The following PTPRC variants were observed in gnomAD, a reference collection of about 807,000 sequenced individuals.
PTPRC encodes the protein receptor-type tyrosine-protein phosphatase C.
In PTPRC, 44 loss-of-function variants were observed where a neutral mutation model predicts 155.9. That is an observed-to-expected ratio of 0.28 (90% CI 0.22 to 0.36). The LOEUF (loss-of-function observed/expected upper bound fraction) is 0.36. PTPRC is among the 10% of genes least tolerant of loss of function. The pLI is 1.00. For synonymous variants in PTPRC, 525 were observed against 533.1 expected (o/e 0.98, Z 0.21); for missense variants, 1,401 against 1,564.6 (o/e 0.90, Z 1.76).
At chr1:198,702,847 TTC>T (rs1666530488) in intron 6 of PTPRC, among the ~76,000 whole-genome samples, 1 of 152,206 alleles carries the variant, frequency 6.6e-6, no homozygotes, top group African/African-American at 2.4e-5. Context: ...TACTAATACT[TTC>T]TGCATATCAG....
rs577603561 is a variant in PTPRC at position 198,671,773 on chromosome 1, G to T, written c.74-20574G>T. Among the ~76,000 whole-genome samples, 3 of 152,250 alleles carry T rather than the reference G, an allele frequency of 2.0e-5. No individual in the cohort carries two copies. In the East Asian group the frequency reaches 5.8e-4, roughly 29 times the overall value. On this transcript the variant is annotated intron_variant, in intron 2 of 32. Transcript: ENST00000442510. ...TATCAGCTTCCATAGACTTGCCTGA[G>T]CCAATATAACCTAGGACATATTCTC...
At chr1:198,723,252 A>G (rs1653980158) in intron 15 of PTPRC, among the ~76,000 whole-genome samples, 1 of 152,070 alleles carries the variant, frequency 6.6e-6, no homozygotes, top group South Asian at 2.1e-4. Context: ...CATTGTAAAT[A>G]GAATTATTTA....
intron 8 of PTPRC, among the ~76,000 whole-genome samples, chr1:198,705,494 T>C (rs574821018): frequency 2.0e-5 from 3 of 151,004 alleles, no homozygotes; most frequent in South Asian, 4.2e-4. Context: ...AATCTCAGCT[T>C]ACTGCAACCT....
chr1:198,716,640 A>T, intron 12 of PTPRC, 42 bp from the exon 13 acceptor site: 1 of 1,574,466 alleles, frequency 6.4e-7, no homozygotes, highest in Non-Finnish European at 8.7e-7. Flanking sequence ...GGTAGTACTG[A>T]CTTTTAACGA....
rs1270446805 is a variant in PTPRC at position 198,756,112 on chromosome 1, G to T, written c.3852G>T (p.Thr1284=). 6.2e-7 allele frequency: 1 copy of T among 1,613,360 alleles called. No individual in the cohort carries two copies. The highest frequency in any genetic ancestry group is 8.5e-7 in the Non-Finnish European group (1 of 1,179,646). The change falls in exon 33 of 33, where the codon ACG becomes ACT. Residue 1284 remains threonine (T), a synonymous_variant. Coordinates refer to ENST00000442510, the MANE Select transcript of PTPRC (RefSeq NM_002838.5). ...AACAGGCTGAAGGTTCTGAACCCAC[G>T]AGTGGCACTGAGGGGCCAGAACATT... The part of the protein sequence containing the change: ...AKEQAEGSEP[T]SGTEGPEHSV...
intron 14 of PTPRC, among the ~76,000 whole-genome samples, chr1:198,720,863 C>G (rs1174549330): frequency 6.6e-6 from 1 of 151,946 alleles, no homozygotes; most frequent in Non-Finnish European, 1.5e-5. Context: ...TACTTCATTC[C>G]CCACTGCTTC....
At chr1:198,709,937 A>T (rs1275331072) in intron 11 of PTPRC, 113 bp downstream of exon 11, 1 of 1,396,130 alleles carries the variant, frequency 7.2e-7, no homozygotes, top group East Asian at 2.4e-5. Flanking sequence ...ATACTTTTTA[A>T]GCATATGCTT....
chr1:198,721,220 G>A (rs1653870458), intron 14 of PTPRC, among the ~76,000 whole-genome samples: 1 of 152,148 alleles, frequency 6.6e-6, no homozygotes, highest in Non-Finnish European at 1.5e-5. Flanking sequence ...TGAGAGAGCA[G>A]TCATTTCAGC....
chr1:198,748,742 G>A (rs1398927424), intron 27 of PTPRC, among the ~76,000 whole-genome samples: 2 of 151,556 alleles, frequency 1.3e-5, no homozygotes, highest in African/African-American at 4.8e-5. Flanking sequence ...GATCACATAT[G>A]GTAATTTTAT....
At position 198,668,484 on chromosome 1, in the gene PTPRC, G is replaced by A. The variant is rs190864247; in HGVS notation, c.74-23863G>A. ...AGGAACAGGAAGTATTAAAATGTGC[G>A]TGTTATGGACTTGCATACAAATTGA... On this transcript the variant is annotated intron_variant, in intron 2 of 32. Coordinates refer to ENST00000442510, the MANE Select transcript of PTPRC (RefSeq NM_002838.5). Among the ~76,000 whole-genome samples the A allele has an allele frequency of 2.1e-3, 320 of 152,302 alleles. 2 individuals carry two copies. The highest frequency in any genetic ancestry group is 0.019 in the Admixed American group (298 of 15,304).
At chr1:198,740,909 T>G (rs895831208) in intron 23 of PTPRC, among the ~76,000 whole-genome samples, 2 of 151,854 alleles carry the variant, frequency 1.3e-5, no homozygotes, top group Non-Finnish European at 2.9e-5. Context: ...TAAATTTTAT[T>G]TTTGTATAGT....
At chr1:198,743,023 A>G (rs200498053) in intron 25 of PTPRC, among the ~76,000 whole-genome samples, 1 of 150,982 alleles carries the variant, frequency 6.6e-6, no homozygotes, top group East Asian at 2.0e-4. Flanking sequence ...ATCAACTAGA[A>G]ACATTTGCAA....
chr1:198,651,316 GT>G (rs1663236610), intron 2 of PTPRC, among the ~76,000 whole-genome samples: 2 of 151,468 alleles, frequency 1.3e-5, no homozygotes, highest in African/African-American at 2.4e-5. Flanking sequence ...GTGTGTGTGT[GT>G]GTGTGTATTG....
chr1:198,751,295 A>AGAT (rs1229958698), intron 29 of PTPRC, among the ~76,000 whole-genome samples: 1 of 152,004 alleles, frequency 6.6e-6, no homozygotes, highest in Non-Finnish European at 1.5e-5. Flanking sequence ...TGCTTGTGAC[A>AGAT]GATATTTTAT....
intron 2 of PTPRC, among the ~76,000 whole-genome samples, chr1:198,671,694 A>G (rs1571811084): frequency 6.6e-6 from 1 of 152,320 alleles, no homozygotes; most frequent in Non-Finnish European, 1.5e-5. Context: ...ATTGAACTCA[A>G]AAACTTCTTT....
chr1:198,693,414 A>G (rs1666032779), intron 3 of PTPRC, among the ~76,000 whole-genome samples: 1 of 152,194 alleles, frequency 6.6e-6, no homozygotes, highest in South Asian at 2.1e-4. Context: ...AGTATCTCCA[A>G]CTTTTACAGA....
At chr1:198,686,792 T>G (rs1665648010) in intron 2 of PTPRC, among the ~76,000 whole-genome samples, 1 of 152,238 alleles carries the variant, frequency 6.6e-6, no homozygotes, top group Non-Finnish European at 1.5e-5. Context: ...CAGATCTATT[T>G]GACTCCACTA....
At chr1:198,640,754 C>T (rs562145160) in intron 2 of PTPRC, among the ~76,000 whole-genome samples, 2 of 152,056 alleles carry the variant, frequency 1.3e-5, no homozygotes, top group East Asian at 3.9e-4. Flanking sequence ...AATACTGAGA[C>T]ATTTTGTAAG....
In PTPRC at chr1:198,757,456, A is replaced by AT. The variant is rs1655741240; in HGVS notation, c.*1276dup. On this transcript the variant is annotated 3_prime_UTR_variant, in exon 33 of 33. Transcript: ENST00000442510. ...GAATAGTGGTATTTTTCATGAAGTA[A>AT]TAAAAACTCGTTTTGGTGAATTCTG... 6.6e-6 allele frequency: 1 copy of AT among 151,816 alleles called. No homozygotes were observed. The highest frequency in any genetic ancestry group is 6.6e-5 in the Admixed American group (1 of 15,208). 9.4% of individuals were successfully genotyped at this position (151,816 alleles called of 1,614,324 possible).
Sources: gnomAD v4.1 joint callset for allele counts (sites outside exome capture counted in the v4.1 genomes callset) on GRCh38, gnomAD v4.1.1 for gene constraint, MANE v1.5 for transcripts, NCBI Gene and HGNC (gene_info 2026-07-23, HGNC 2026-07-21) for gene names.